Variants in TNFRSF11B observed in about 807,000 individuals in gnomAD.
The protein encoded by TNFRSF11B is tumor necrosis factor receptor superfamily member 11B.
In TNFRSF11B, 16 loss-of-function variants were observed where a neutral mutation model predicts 43.4. The ratio of observed to expected loss-of-function variants is 0.37; its 90% CI spans 0.25 to 0.56. The LOEUF is 0.56. Among genes scored for constraint, TNFRSF11B ranks in the 20% least tolerant of loss-of-function variants. The pLI, the probability that TNFRSF11B is intolerant of heterozygous loss-of-function variation, is 0.80. For synonymous variants in TNFRSF11B, 185 were observed against 181.8 expected, an observed-to-expected ratio of 1.02 and a Z score of -0.14; for missense variants, 444 against 490.1, an observed-to-expected ratio of 0.91 and a Z score of 0.89.
chr8:118,934,539 G>A (rs905854343), intron 1 of TNFRSF11B, among the ~76,000 whole-genome samples: 1 of 152,098 alleles, frequency 6.6e-6, no homozygotes, highest in African/African-American at 2.4e-5. Flanking sequence ...CATGGGCAAG[G>A]GTGCCACTTG....
chr8:118,939,257 A>G (rs1812444660), intron 1 of TNFRSF11B, among the ~76,000 whole-genome samples: 1 of 152,118 alleles, frequency 6.6e-6, no homozygotes, highest in Non-Finnish European at 1.5e-5. Context: ...CTTTTCCTCC[A>G]TTCCTCAAAT....
chr8:118,948,476 A>T (rs1286458782), intron 1 of TNFRSF11B, among the ~76,000 whole-genome samples: 1 of 152,148 alleles, frequency 6.6e-6, no homozygotes, highest in East Asian at 1.9e-4. Context: ...GAGCAAAAAT[A>T]CCTGAGTGTG....
At chr8:118,947,567 T>A (rs549938578) in intron 1 of TNFRSF11B, among the ~76,000 whole-genome samples, 7 of 152,140 alleles carry the variant, frequency 4.6e-5, no homozygotes, top group Non-Finnish European at 8.8e-5. Flanking sequence ...CCCACACACA[T>A]TCATGTCCTA....
At position 118,933,153 on chromosome 8, in the gene TNFRSF11B, T is replaced by C; in HGVS notation, c.178A>G (p.Thr60Ala). The C allele has an allele frequency of 1.2e-6, 2 of 1,614,188 alleles. No individual in the cohort carries two copies. The highest frequency in any genetic ancestry group is 1.7e-6 in the Non-Finnish European group (2 of 1,180,040). ...TGGTCAGGGCAAGGGGCGCACACGG[T>C]CTTCCACTTTGCTGTACAGTGTTGT... ...LKQHCTAKWK[T>A]VCAPCPDHYY... The change falls in exon 2 of 5, where the codon ACC becomes GCC. Residue 60 changes from threonine to alanine, a missense_variant. By Grantham distance (58) the Thr-to-Ala change is moderately conservative. Transcript: ENST00000297350.
At chr8:118,938,665 C>A (rs1258276114) in intron 1 of TNFRSF11B, among the ~76,000 whole-genome samples, 1 of 152,194 alleles carries the variant, frequency 6.6e-6, no homozygotes, top group Non-Finnish European at 1.5e-5. Context: ...AGATCAATCA[C>A]AGCCTTCCTG....
Position 118,938,717 on chromosome 8 carries a change from C to T in TNFRSF11B, c.31-5417G>A, listed in dbSNP as rs192961524. ...ACCTTGACTTTTCTTTGTGCTAAGA[C>T]TAGCTTTTGTCCAAAGCTACTGAGT... On this transcript the variant is annotated intron_variant, in intron 1 of 4. Transcript: ENST00000297350. Among the ~76,000 whole-genome samples, 269 of 152,302 alleles carry T rather than the reference C, an allele frequency of 1.8e-3. 1 individual carries two copies. Among genetic ancestry groups the T allele is most frequent in the African/African-American group, 6.2e-3 (257 of 41,558 alleles).
intron 1 of TNFRSF11B, among the ~76,000 whole-genome samples, chr8:118,939,032 T>C (rs571645152): frequency 6.6e-6 from 1 of 152,300 alleles, no homozygotes; most frequent in South Asian, 2.1e-4. Context: ...AAAGAACTAT[T>C]TGAGGACTAC....
intron 2 of TNFRSF11B, among the ~76,000 whole-genome samples, chr8:118,930,324 C>T (rs544931245): frequency 1.3e-5 from 2 of 152,160 alleles, no homozygotes; most frequent in African/African-American, 2.4e-5. Context: ...CTAATTTACT[C>T]GAAATAAGTG....
At chr8:118,927,624 A>G (rs977360989) in intron 3 of TNFRSF11B, among the ~76,000 whole-genome samples, 1 of 151,430 alleles carries the variant, frequency 6.6e-6, no homozygotes, top group Non-Finnish European at 1.5e-5. Context: ...TACACAATGA[A>G]ACAATGCTGG....
At chr8:118,944,790 G>T (rs961470442) in intron 1 of TNFRSF11B, among the ~76,000 whole-genome samples, 56 of 151,986 alleles carry the variant, frequency 3.7e-4, no homozygotes, top group Admixed American at 3.2e-3. Context: ...TCCAAATAAT[G>T]GTGTGCAGTT....
chr8:118,951,434 T>G (rs1812643343), intron 1 of TNFRSF11B, among the ~76,000 whole-genome samples: 1 of 152,190 alleles, frequency 6.6e-6, no homozygotes, highest in Admixed American at 6.5e-5. Flanking sequence ...TTCAAGTTCA[T>G]TAAGCAAAGA....
chr8:118,929,694 A>G (rs931403104), intron 2 of TNFRSF11B, among the ~76,000 whole-genome samples: 1 of 152,234 alleles, frequency 6.6e-6, no homozygotes. Flanking sequence ...CCAGTCCACA[A>G]CTAAAGACGC....
chr8:118,947,106 C>T (rs1051758617), intron 1 of TNFRSF11B, among the ~76,000 whole-genome samples: 3 of 152,034 alleles, frequency 2.0e-5, no homozygotes, highest in African/African-American at 4.8e-5. Flanking sequence ...TTGATATGAA[C>T]CTTTATAGTA....
In TNFRSF11B at chr8:118,928,919, C is replaced by G; in HGVS notation, c.411G>C (p.Glu137Asp). 6.2e-7 allele frequency: 1 copy of G among 1,614,130 alleles called. No homozygotes were observed. Among genetic ancestry groups the G allele is most frequent in the East Asian group, 2.2e-5 (1 of 44,874 alleles). Residue 137 changes from glutamate (E) to aspartate (D), a missense_variant, in exon 3 of 5, where the codon GAG becomes GAC. Transcript: ENST00000297350. ...GFGVVQAGTPERNTVCKRCPD... is the reference protein window; with the variant it reads ...GFGVVQAGTPDRNTVCKRCPD... ...GACATCTTTTGCAAACTGTATTTCG[C>G]TCTGGGGTTCCTACAGAAAATACCA...
chr8:118,933,080 C>T lies in TNFRSF11B; in HGVS notation c.251G>A (p.Ser84Asn), dbSNP rs762633243. The change falls in exon 2 of 5, where the codon AGC becomes AAC. Residue 84 changes from serine to asparagine, a missense_variant. Physicochemically the swap from Ser to Asn is conservative, Grantham distance 46 (BLOSUM62 1). Coordinates refer to ENST00000297350, the MANE Select transcript of TNFRSF11B (RefSeq NM_002546.4). Reference sequence around the variant, plus strand: ...GTACTGCAGCTCCTTGCACACGGGGCTGCAGTATAGACACTCGTCACTGGT... The same window carrying T: ...GTACTGCAGCTCCTTGCACACGGGGTTGCAGTATAGACACTCGTCACTGGT... Reference protein sequence around the residue: ...WHTSDECLYCSPVCKELQYVK... With the variant: ...WHTSDECLYCNPVCKELQYVK... The T allele has an allele frequency of 3.7e-6, 6 of 1,614,174 alleles. No individual in the cohort carries two copies. The South Asian group carries it at 5.5e-5, about 15-fold the overall frequency.
At chr8:118,951,501 CTA>C (rs1812644362) in intron 1 of TNFRSF11B, among the ~76,000 whole-genome samples, 1 of 149,834 alleles carries the variant, frequency 6.7e-6, no homozygotes, top group Admixed American at 6.6e-5. Flanking sequence ...AGGTTAATGA[CTA>C]AAACTTTCAA....
At chr8:118,927,926 G>C (rs962717071) in intron 3 of TNFRSF11B, among the ~76,000 whole-genome samples, 1 of 152,078 alleles carries the variant, frequency 6.6e-6, no homozygotes, top group Non-Finnish European at 1.5e-5. Flanking sequence ...ACCCAATGAA[G>C]AGCTTAACAC....
chr8:118,949,468 G>T (rs1027364113), intron 1 of TNFRSF11B, among the ~76,000 whole-genome samples: 3 of 152,066 alleles, frequency 2.0e-5, no homozygotes, highest in Non-Finnish European at 4.4e-5. Flanking sequence ...TGGGCATCTT[G>T]GATATATGCA....
intron 1 of TNFRSF11B, among the ~76,000 whole-genome samples, chr8:118,946,288 G>T (rs929895426): frequency 1.4e-4 from 21 of 152,194 alleles, no homozygotes; most frequent in African/African-American, 4.3e-4. Flanking sequence ...ATTTAGAGAG[G>T]CCAGGTAAAT....
Sources: gnomAD v4.1 joint callset for allele counts (sites outside exome capture counted in the v4.1 genomes callset) on GRCh38, gnomAD v4.1.1 for gene constraint, MANE v1.5 for transcripts, NCBI Gene and HGNC (gene_info 2026-07-23, HGNC 2026-07-21) for gene names.